Variants in ASXL3 observed in about 807,000 individuals in gnomAD.
The protein encoded by ASXL3 is putative Polycomb group protein ASXL3.
A neutral mutation model predicts 170.6 loss-of-function variants in ASXL3; 34 were observed. The observed-to-expected ratio is 0.20, with a 90% confidence interval of 0.15 to 0.27. The LOEUF is 0.27. Ranked by LOEUF, ASXL3 falls within the 10% of genes least tolerant of loss-of-function variation. ASXL3 has a pLI of 1.00. For missense variants in ASXL3, 2,592 were observed against 2,695.3 expected (o/e 0.96, Z 0.85); for synonymous variants, 1,002 against 989.1 (o/e 1.01, Z -0.24).
chr18:33,730,980 G>A (rs554373323), intron 8 of ASXL3, among the ~76,000 whole-genome samples: 2 of 152,202 alleles, frequency 1.3e-5, no homozygotes, highest in East Asian at 3.9e-4. Context: ...ATGTCACAGC[G>A]TCAACAATAA....
At position 33,615,845 on chromosome 18, in the gene ASXL3, C is replaced by T. The variant is rs117066330; in HGVS notation, c.137+8169C>T. ...TATATGAATGATAAAGCCTACATTACACCTTACATTTAGATAAAATTTTGA... is the reference window on the plus strand; with the variant it reads ...TATATGAATGATAAAGCCTACATTATACCTTACATTTAGATAAAATTTTGA... On this transcript the variant is annotated intron_variant, in intron 2 of 11. Coordinates refer to ENST00000269197, the MANE Select transcript of ASXL3 (RefSeq NM_030632.3). Among the ~76,000 whole-genome samples, 1,174 of 152,184 alleles carry T rather than the reference C, an allele frequency of 7.7e-3. 9 individuals carry two copies. Among genetic ancestry groups the T allele is most frequent in the South Asian group, 0.028 (134 of 4,820 alleles).
chr18:33,693,929 T>C (rs2066730327), intron 8 of ASXL3, among the ~76,000 whole-genome samples: 1 of 152,126 alleles, frequency 6.6e-6, no homozygotes, highest in African/African-American at 2.4e-5. Flanking sequence ...GCTGGGCTGA[T>C]TGAGCGGACA....
chr18:33,583,367 A>G (rs2065008944), intron 1 of ASXL3, among the ~76,000 whole-genome samples: 1 of 152,206 alleles, frequency 6.6e-6, no homozygotes, highest in Non-Finnish European at 1.5e-5. Flanking sequence ...TTGCAAATGT[A>G]GTTTTATTTT....
At chr18:33,580,843 TAA>T (rs1169336065) in intron 1 of ASXL3, among the ~76,000 whole-genome samples, 1 of 152,204 alleles carries the variant, frequency 6.6e-6, no homozygotes, top group African/African-American at 2.4e-5. Context: ...CAATTTGGTT[TAA>T]GTTATTTTTC....
At chr18:33,615,562 A>C (rs928816067) in intron 2 of ASXL3, among the ~76,000 whole-genome samples, 1 of 152,220 alleles carries the variant, frequency 6.6e-6, no homozygotes, top group African/African-American at 2.4e-5. Context: ...GACTTGCTTG[A>C]TGCAGGGTTG....
Position 33,657,874 on chromosome 18 carries a change from C to T in ASXL3, c.356-3742C>T, listed in dbSNP as rs566482720. On this transcript the variant is annotated intron_variant, in intron 4 of 11. Coordinates refer to ENST00000269197, the MANE Select transcript of ASXL3 (RefSeq NM_030632.3). The stretch of plus-strand genomic sequence containing the variant: ...TGTAGACAGAAATAGTATTTTTATA[C>T]CTTTTAAAAAATGTGGAATGATAAA... Among the ~76,000 whole-genome samples, 6 of 152,142 alleles carry T rather than the reference C, an allele frequency of 3.9e-5. No homozygotes were observed. The East Asian group carries it at 1.2e-3, about 29-fold the overall frequency.
rs1026787946 is a variant in ASXL3, at chr18:33,749,995, G to C, written c.*3400G>C. The C allele has an allele frequency of 1.3e-5, 2 of 152,340 alleles. No homozygotes were observed. Among genetic ancestry groups the C allele is most frequent in the African/African-American group, 4.8e-5 (2 of 41,466 alleles). 9.4% of individuals were successfully genotyped at this position (152,340 alleles called of 1,614,324 possible). On this transcript the variant is annotated 3_prime_UTR_variant, in exon 12 of 12. Transcript: ENST00000269197. ...AAAAGTGGAAGTTACCGTGGCCTCT[G>C]GTTTCCCAGTTCCTCCGTGGTGTAA... is the stretch of plus-strand genomic sequence containing the variant.
chr18:33,632,975 T>G (rs1205002552), intron 2 of ASXL3, among the ~76,000 whole-genome samples: 1 of 152,212 alleles, frequency 6.6e-6, no homozygotes, highest in East Asian at 1.9e-4. Flanking sequence ...CTCTGGAATC[T>G]GATTCCTATC....
chr18:33,745,978 C>T lies in ASXL3; in HGVS notation c.6130C>T (p.Pro2044Ser), dbSNP rs1242651357. ...CCCCCCACCACCTCCGCTACCTCCA[C>T]CTCTCCCTAATGCAGAAGTCCCATC... Reference protein sequence around the residue: ...PPPPPPPLPPPLPNAEVPSDQ... With the variant: ...PPPPPPPLPPSLPNAEVPSDQ... Residue 2044 changes from proline to serine, a missense_variant, in exon 12 of 12, where the codon CCT (proline) becomes TCT (serine). By Grantham distance (74) the Pro-to-Ser change is moderately conservative. Coordinates refer to ENST00000269197, the MANE Select transcript of ASXL3 (RefSeq NM_030632.3). 1.9e-6 allele frequency: 3 copies of T among 1,598,386 alleles called. No individual in the cohort carries two copies. The highest frequency in any genetic ancestry group is 2.6e-6 in the Non-Finnish European group (3 of 1,173,968).
intron 4 of ASXL3, 47 bp from the exon 5 acceptor site, chr18:33,661,569 A>C: frequency 6.5e-7 from 1 of 1,549,182 alleles, no homozygotes; most frequent in Non-Finnish European, 8.8e-7. Context: ...AGTGGATATA[A>C]AAAAGGAATT....
At chr18:33,628,309 G>A (rs1056627666) in intron 2 of ASXL3, among the ~76,000 whole-genome samples, 6 of 152,028 alleles carry the variant, frequency 3.9e-5, no homozygotes, top group African/African-American at 1.2e-4. Flanking sequence ...ACAGGCAAGC[G>A]TTAGACTTGA....
intron 8 of ASXL3, among the ~76,000 whole-genome samples, chr18:33,721,245 A>G (rs2067253788): frequency 6.6e-6 from 1 of 152,064 alleles, no homozygotes; most frequent in South Asian, 2.1e-4. Flanking sequence ...TAGACAGGTC[A>G]TGTGGTGGGA....
chr18:33,651,557 A>G (rs904953865), intron 4 of ASXL3, among the ~76,000 whole-genome samples: 1 of 152,012 alleles, frequency 6.6e-6, no homozygotes, highest in African/African-American at 2.4e-5. Flanking sequence ...AAGACTGGGG[A>G]GTATTGAGAA....
At chr18:33,673,080 A>T (rs773787971) in intron 7 of ASXL3, among the ~76,000 whole-genome samples, 1 of 152,182 alleles carries the variant, frequency 6.6e-6, no homozygotes, top group African/African-American at 2.4e-5. Context: ...TGGGTGTTGT[A>T]AGTATTTTAA....
At chr18:33,622,212 A>G (rs1189200305) in intron 2 of ASXL3, among the ~76,000 whole-genome samples, 1 of 152,160 alleles carries the variant, frequency 6.6e-6, no homozygotes. Context: ...ATCCAATATA[A>G]TTCAGAGCTA....
intron 8 of ASXL3, among the ~76,000 whole-genome samples, chr18:33,720,750 C>T (rs748628619): frequency 6.6e-6 from 1 of 151,986 alleles, no homozygotes; most frequent in South Asian, 2.1e-4. Context: ...TTATTTTTGC[C>T]TTTAGATGTC....
intron 8 of ASXL3, among the ~76,000 whole-genome samples, chr18:33,695,196 A>G (rs954268907): frequency 4.6e-5 from 7 of 152,192 alleles, no homozygotes; most frequent in Non-Finnish European, 1.0e-4. Context: ...AGTATTAAAT[A>G]TATGAAAAAT....
intron 8 of ASXL3, among the ~76,000 whole-genome samples, chr18:33,722,174 A>T (rs1457088510): frequency 6.6e-6 from 1 of 152,094 alleles, no homozygotes. Context: ...AAATTAGGCC[A>T]ATTAATAACC....
rs563876864 is a variant in ASXL3, at chr18:33,705,971, T to G, written c.879+22403T>G. Among the ~76,000 whole-genome samples, 6 of 152,034 alleles carry G rather than the reference T, an allele frequency of 3.9e-5. No homozygotes were observed. The East Asian group carries it at 1.2e-3, about 29-fold the overall frequency. On this transcript the variant is annotated intron_variant, in intron 8 of 11. Transcript: ENST00000269197. ...TCACCATCAACTACTTTTGTCTGTT[T>G]TTGAACTTTATATACTGGAATCATT...
Sources: allele counts gnomAD v4.1 joint callset (sites outside exome capture counted in the v4.1 genomes callset), GRCh38; gene constraint gnomAD v4.1.1; transcripts MANE v1.5; gene names NCBI Gene and HGNC (gene_info 2026-07-23, HGNC 2026-07-21).